The following PARVA variants were observed in gnomAD, a reference collection of about 807,000 sequenced individuals.
PARVA encodes parvin alpha, also known as alpha-parvin.
A neutral mutation model predicts 52.6 loss-of-function variants in PARVA; 25 were observed. The ratio of observed to expected loss-of-function variants is 0.48; its 90% confidence interval spans 0.35 to 0.66. The LOEUF (loss-of-function observed/expected upper bound fraction) is 0.66. Among genes scored for constraint, PARVA ranks in the 30% least tolerant of loss-of-function variants. The pLI, the probability that PARVA is intolerant of heterozygous loss-of-function variation, is 0.01. For synonymous variants in PARVA, 185 were observed against 179.1 expected (o/e 1.03, Z -0.26); for missense variants, 373 against 450.9 (o/e 0.83, Z 1.56).
chr11:12,384,729 G>A (rs1272623132), intron 1 of PARVA, among the ~76,000 whole-genome samples: 1 of 152,060 alleles, frequency 6.6e-6, no homozygotes, highest in African/African-American at 2.4e-5. Flanking sequence ...TGGGGCAGGT[G>A]TGGACCTGGT....
Position 12,531,694 on chromosome 11 carries a change from C to A in PARVA, c.*3769C>A, listed in dbSNP as rs1941774028. Among the ~76,000 whole-genome samples the A allele has an allele frequency of 6.6e-6, 1 of 151,692 alleles. No homozygotes were observed. Among genetic ancestry groups the A allele is most frequent in the Admixed American group, 6.6e-5 (1 of 15,174 alleles). The stretch of plus-strand genomic sequence containing the variant: ...ACCTTTATAATACATCCTAGATAGG[C>A]AAGAGGGATATGTCCTGAAATCTTC... On this transcript the variant is annotated 3_prime_UTR_variant, in exon 13 of 13. Coordinates refer to ENST00000334956, the MANE Select transcript of PARVA (RefSeq NM_018222.5).
intron 1 of PARVA, among the ~76,000 whole-genome samples, chr11:12,403,565 A>G (rs1939859689): frequency 6.6e-6 from 1 of 152,266 alleles, no homozygotes; most frequent in African/African-American, 2.4e-5. Flanking sequence ...GGAGAAACTG[A>G]CATTACATTA....
intron 1 of PARVA, among the ~76,000 whole-genome samples, chr11:12,378,167 C>T (rs1351659906): frequency 1.3e-5 from 2 of 152,084 alleles, no homozygotes; most frequent in Non-Finnish European, 2.9e-5. Flanking sequence ...CCGCCCTCTG[C>T]GCCCGAAGGC....
At chr11:12,424,379 T>C (rs1383771580) in intron 1 of PARVA, among the ~76,000 whole-genome samples, 1 of 152,202 alleles carries the variant, frequency 6.6e-6, no homozygotes, top group Non-Finnish European at 1.5e-5. Context: ...TCCTATTACC[T>C]CCAACATGAG....
chr11:12,422,063 A>G (rs999721896), intron 1 of PARVA, among the ~76,000 whole-genome samples: 1 of 152,188 alleles, frequency 6.6e-6, no homozygotes, highest in Non-Finnish European at 1.5e-5. Flanking sequence ...TCTATGTACA[A>G]TTTGAAATGT....
chr11:12,413,308 A>C (rs1187473206), intron 1 of PARVA, among the ~76,000 whole-genome samples: 2 of 152,228 alleles, frequency 1.3e-5, no homozygotes, highest in Non-Finnish European at 2.9e-5. Flanking sequence ...CCTCAAAAGG[A>C]TATAAAATAG....
chr11:12,394,204 G>A (rs1939702962), intron 1 of PARVA, among the ~76,000 whole-genome samples: 1 of 152,150 alleles, frequency 6.6e-6, no homozygotes. Context: ...AGGTATCACT[G>A]GGCTTGGAAT....
At chr11:12,415,838 T>A (rs1940057943) in intron 1 of PARVA, among the ~76,000 whole-genome samples, 1 of 152,198 alleles carries the variant, frequency 6.6e-6, no homozygotes. Flanking sequence ...TCAGCCCAAT[T>A]TTATTTAAAG....
At chr11:12,431,661 C>G (rs1364668576) in intron 1 of PARVA, among the ~76,000 whole-genome samples, 1 of 152,248 alleles carries the variant, frequency 6.6e-6, no homozygotes, top group Non-Finnish European at 1.5e-5. Context: ...GCCTAACCAT[C>G]TATTGGACCA....
At chr11:12,434,011 T>C (rs1940352932) in intron 1 of PARVA, among the ~76,000 whole-genome samples, 2 of 152,050 alleles carry the variant, frequency 1.3e-5, no homozygotes, top group South Asian at 2.1e-4. Context: ...AGGAGAAAAA[T>C]GTGAGGCTGG....
At position 12,400,781 on chromosome 11, in the gene PARVA, AATT is replaced by A. The variant is rs1378626383; in HGVS notation, c.136+23001_136+23003del. On this transcript the variant is annotated intron_variant, in intron 1 of 12. Transcript: ENST00000334956. Reference sequence around the variant, plus strand: ...GTGGAATTTCTGACATATTTTTGTTAATTATAGGGAAAGCAAGAAGAATATTTG... The same window carrying A: ...GTGGAATTTCTGACATATTTTTGTTAATAGGGAAAGCAAGAAGAATATTTG... 5.3e-5 allele frequency among the ~76,000 whole-genome samples: 8 copies of A among 152,122 alleles called. 1 individual carries two copies. The highest frequency in any genetic ancestry group is 1.9e-4 in the African/African-American group (8 of 41,412).
At position 12,529,709 on chromosome 11, in the gene PARVA, ACTGT is replaced by A. The variant is rs1214448609; in HGVS notation, c.*1787_*1790del. ...TTCTTACTGTACTGTCTCTTACTGTACTGTCTATCTGCAGTAATTGAGGACCCAT... is the reference window on the plus strand; with the variant it reads ...TTCTTACTGTACTGTCTCTTACTGTACTATCTGCAGTAATTGAGGACCCAT... On this transcript the variant is annotated 3_prime_UTR_variant, in exon 13 of 13. Coordinates refer to ENST00000334956, the MANE Select transcript of PARVA (RefSeq NM_018222.5). The A allele has an allele frequency of 3.9e-5, 6 of 152,338 alleles. No individual in the cohort carries two copies. Among genetic ancestry groups the A allele is most frequent in the East Asian group, 1.9e-4 (1 of 5,180 alleles). The allele number at this position is 152,338 out of a possible 1,614,324, so 9.4% of individuals were successfully genotyped here.
chr11:12,443,305 G>A (rs1220727312), intron 1 of PARVA, among the ~76,000 whole-genome samples: 1 of 150,616 alleles, frequency 6.6e-6, no homozygotes, highest in Admixed American at 6.7e-5. Flanking sequence ...CTGAGTAGCT[G>A]GGACTACAAG....
intron 1 of PARVA, among the ~76,000 whole-genome samples, chr11:12,408,006 T>C (rs573582583): frequency 6.6e-6 from 1 of 152,368 alleles, no homozygotes; most frequent in Non-Finnish European, 1.5e-5. Flanking sequence ...TTAAGGACTC[T>C]AGAGTCTGGC....
intron 3 of PARVA, among the ~76,000 whole-genome samples, chr11:12,476,259 G>A (rs1197987567): frequency 6.6e-6 from 1 of 152,140 alleles, no homozygotes; most frequent in East Asian, 1.9e-4. Flanking sequence ...CTTCCAGAGG[G>A]AGGTTCGATT....
chr11:12,517,673 C>A lies in PARVA; in HGVS notation c.931C>A (p.His311Asn). The A allele has an allele frequency of 6.2e-7, 1 of 1,605,360 alleles. No homozygotes were observed. Among genetic ancestry groups the A allele is most frequent in the Non-Finnish European group, 8.5e-7 (1 of 1,175,756 alleles). The change falls in exon 11 of 13, where the codon CAC becomes AAC. Residue 311 changes from histidine (H) to asparagine (N), a missense_variant. Physicochemically the swap from His to Asn is moderately conservative, Grantham distance 68. Transcript: ENST00000334956. ...CCTGGAGGGCTACTTTGTGCCCCTG[C>A]ACAGCTTCTTCCTGACCCCGGACAG... ...GLLEGYFVPL[H>N]SFFLTPDSFE...
At chr11:12,449,399 C>T (rs1940593827) in intron 1 of PARVA, among the ~76,000 whole-genome samples, 1 of 152,038 alleles carries the variant, frequency 6.6e-6, no homozygotes, top group African/African-American at 2.4e-5. Flanking sequence ...TCAAGTGATC[C>T]GCCTGCCTCA....
chr11:12,497,241 A>C (rs966299315), intron 5 of PARVA, among the ~76,000 whole-genome samples: 11 of 152,168 alleles, frequency 7.2e-5, no homozygotes, highest in Admixed American at 7.2e-4. Context: ...ATGAGTCCCT[A>C]TCAGAATTAA....
chr11:12,472,739 A>G (rs1170879989), intron 1 of PARVA, among the ~76,000 whole-genome samples: 2 of 152,220 alleles, frequency 1.3e-5, no homozygotes, highest in Admixed American at 6.5e-5. Context: ...GGTTGATTGC[A>G]GCTGCTGTAT....
Sources: allele counts gnomAD v4.1 joint callset (sites outside exome capture counted in the v4.1 genomes callset), GRCh38; gene constraint gnomAD v4.1.1; transcripts MANE v1.5; gene names NCBI Gene and HGNC (gene_info 2026-07-23, HGNC 2026-07-21).